Variants in FSTL4 observed in about 807,000 individuals in gnomAD.
FSTL4 encodes the protein follistatin-related protein 4.
In FSTL4, 28 loss-of-function variants were observed where a neutral mutation model predicts 78.2. The observed-to-expected ratio is 0.36, with a 90% CI of 0.27 to 0.49. The LOEUF is 0.49. Ranked by LOEUF, FSTL4 falls within the 20% of genes least tolerant of loss-of-function variation. FSTL4 has a pLI of 0.98. For synonymous variants in FSTL4, 422 were observed against 440.5 expected, an observed-to-expected ratio of 0.96 and a Z score of 0.53; for missense variants, 922 against 1,084.9, an observed-to-expected ratio of 0.85 and a Z score of 2.11.
At chr5:133,240,926 AG>A (rs1751851113) in intron 7 of FSTL4, among the ~76,000 whole-genome samples, 1 of 152,100 alleles carries the variant, frequency 6.6e-6, no homozygotes, top group Non-Finnish European at 1.5e-5. Flanking sequence ...CATGCCTCAT[AG>A]GGGTCTCTTT....
intron 4 of FSTL4, among the ~76,000 whole-genome samples, chr5:133,318,713 G>A (rs890594052): frequency 2.0e-5 from 3 of 152,232 alleles, no homozygotes; most frequent in Non-Finnish European, 4.4e-5. Flanking sequence ...ATCAGGCTCC[G>A]AAGAACATGC....
chr5:133,623,089 CTT>C, the FSTL4 span, among the ~76,000 whole-genome samples: 1 of 146,982 alleles, frequency 6.8e-6, no homozygotes, highest in East Asian at 2.0e-4. Flanking sequence ...AGGATGAGGT[CTT>C]TTTTTTTTTC....
the FSTL4 span, among the ~76,000 whole-genome samples, chr5:133,681,978 C>A: frequency 6.6e-6 from 1 of 152,146 alleles, no homozygotes; most frequent in African/African-American, 2.4e-5. Flanking sequence ...GCTGGTGGTT[C>A]CACAGTGGTT....
the FSTL4 span, among the ~76,000 whole-genome samples, chr5:133,656,582 C>T: frequency 2.6e-5 from 4 of 152,072 alleles, no homozygotes; most frequent in African/African-American, 4.8e-5. Context: ...AGGGACATCA[C>T]ACGTCAAGTC....
At chr5:133,828,594 C>T in the FSTL4 span, among the ~76,000 whole-genome samples, 1 of 152,168 alleles carries the variant, frequency 6.6e-6, no homozygotes, top group Admixed American at 6.5e-5. Context: ...AGAGAAAACC[C>T]AGTCACACCC....
At chr5:133,637,038 G>A in the FSTL4 span, among the ~76,000 whole-genome samples, 1 of 152,178 alleles carries the variant, frequency 6.6e-6, no homozygotes, top group Admixed American at 6.6e-5. Context: ...ATAGTAAAAG[G>A]CAAGGTCAAA....
chr5:133,674,272 C>G, the FSTL4 span, among the ~76,000 whole-genome samples: 44 of 152,278 alleles, frequency 2.9e-4, no homozygotes, highest in African/African-American at 1.0e-3. Context: ...AATGCATCAG[C>G]TGTATGACAA....
At chr5:133,346,356 G>A (rs192472881) in intron 4 of FSTL4, among the ~76,000 whole-genome samples, 3 of 152,116 alleles carry the variant, frequency 2.0e-5, no homozygotes, top group African/African-American at 2.4e-5. Flanking sequence ...ACATGTACAC[G>A]TATGTAACAA....
intron 3 of FSTL4, among the ~76,000 whole-genome samples, chr5:133,436,226 A>G (rs1356565698): frequency 1.3e-5 from 2 of 152,212 alleles, no homozygotes; most frequent in African/African-American, 4.8e-5. Flanking sequence ...GTGCTACAAA[A>G]GTTTACAATG....
At chr5:133,649,940 G>C in the FSTL4 span, among the ~76,000 whole-genome samples, 1 of 148,036 alleles carries the variant, frequency 6.8e-6, no homozygotes, top group Admixed American at 6.7e-5. Flanking sequence ...AAAAAAAAAA[G>C]GTTTATTTGG....
the FSTL4 span, among the ~76,000 whole-genome samples, chr5:133,632,517 T>C: frequency 6.6e-6 from 1 of 152,230 alleles, no homozygotes; most frequent in East Asian, 1.9e-4. Context: ...AGACAAATTA[T>C]CTTAGTTTTC....
Position 133,316,480 on chromosome 5 carries a change from G to A in FSTL4, c.582C>T (p.Leu194=), listed in dbSNP as rs1234464363. ...CCACCTGAGCCAGTTCGGAGCTGCT[G>A]AGGTGGCCATTGCCATCTGCATCTA... The part of the protein sequence containing the change: ...RDLDADGNGH[L]SSSELAQHVL... Residue 194 remains leucine, a synonymous_variant, in exon 5 of 16, where the codon CTC becomes CTT. Transcript: ENST00000265342. 1 of 1,613,954 alleles carries A rather than the reference G, an allele frequency of 6.2e-7. No individual in the cohort carries two copies. The highest frequency in any genetic ancestry group is 1.7e-5 in the Admixed American group (1 of 60,014).
chr5:133,840,706 A>C, the FSTL4 span, among the ~76,000 whole-genome samples: 1 of 152,198 alleles, frequency 6.6e-6, no homozygotes, highest in Non-Finnish European at 1.5e-5. Flanking sequence ...CCAGGCTAAA[A>C]GTCTACACAG....
chr5:133,452,498 A>G (rs1002840875), intron 3 of FSTL4, among the ~76,000 whole-genome samples: 7 of 152,274 alleles, frequency 4.6e-5, no homozygotes, highest in Non-Finnish European at 5.9e-5. Flanking sequence ...AAATTCCTCC[A>G]GAAACACCAC....
intron 4 of FSTL4, among the ~76,000 whole-genome samples, chr5:133,396,390 G>A (rs1254077499): frequency 1.3e-5 from 2 of 152,200 alleles, no homozygotes; most frequent in Non-Finnish European, 2.9e-5. Flanking sequence ...GTGCCCTTGA[G>A]CACGTGCCAC....
At chr5:133,646,138 A>G in the FSTL4 span, among the ~76,000 whole-genome samples, 4 of 152,164 alleles carry the variant, frequency 2.6e-5, no homozygotes, top group Admixed American at 6.5e-5. Flanking sequence ...AATAAGTGCA[A>G]TGATGTGCTT....
intron 3 of FSTL4, among the ~76,000 whole-genome samples, chr5:133,437,610 C>G (rs890588734): frequency 2.7e-5 from 4 of 150,716 alleles, no homozygotes; most frequent in African/African-American, 9.8e-5. Context: ...CTGCCTCAAC[C>G]TCCCGAGCAG....
At chr5:133,560,663 C>T (rs1187216643) in intron 3 of FSTL4, among the ~76,000 whole-genome samples, 1 of 151,562 alleles carries the variant, frequency 6.6e-6, no homozygotes, top group Non-Finnish European at 1.5e-5. Flanking sequence ...CGTGCCCGGT[C>T]GTTTGTCTTT....
the FSTL4 span, among the ~76,000 whole-genome samples, chr5:133,741,613 G>A: frequency 1.3e-5 from 2 of 152,176 alleles, no homozygotes; most frequent in Non-Finnish European, 2.9e-5. Context: ...ATCACACAAT[G>A]AACAGCAAGA....
Sources: allele counts gnomAD v4.1 joint callset (sites outside exome capture counted in the v4.1 genomes callset), GRCh38; gene constraint gnomAD v4.1.1; transcripts MANE v1.5; gene names NCBI Gene and HGNC (gene_info 2026-07-23, HGNC 2026-07-21).